Variants in ARHGAP42 observed in about 807,000 individuals in gnomAD.
The protein encoded by ARHGAP42 is Rho GTPase activating protein 42.
In ARHGAP42, 63 loss-of-function variants were observed where a neutral mutation model predicts 125.0. That is an observed-to-expected ratio of 0.50 (90% CI 0.41 to 0.62). The LOEUF (loss-of-function observed/expected upper bound fraction) is 0.62, where lower values mean the gene tolerates loss of function less well. ARHGAP42 is among the 20% of genes least tolerant of loss of function. The pLI, the probability that ARHGAP42 is intolerant of heterozygous loss-of-function variation, is 0.00. For missense variants in ARHGAP42, 766 were observed against 1,024.2 expected (o/e 0.75, Z 3.44); for synonymous variants, 339 against 351.0 (o/e 0.97, Z 0.38).
chr11:100,812,856 A>G (rs1000567991), intron 3 of ARHGAP42, among the ~76,000 whole-genome samples: 2 of 152,222 alleles, frequency 1.3e-5, no homozygotes, highest in Non-Finnish European at 2.9e-5. Context: ...GTAAGGAATT[A>G]GACTTTTGCT....
Position 100,993,763 on chromosome 11 carries a change from T to G in ARHGAP42, c.*4962T>G, listed in dbSNP as rs1858903659. ...TGTCCATAAATTATCATTGAATTTT[T>G]TGTTTATTTTGTAGTGTTCTGTATT... On this transcript the variant is annotated 3_prime_UTR_variant, in exon 24 of 24. Transcript: ENST00000298815. 1 of 167,106 alleles carries G rather than the reference T, an allele frequency of 6.0e-6. No homozygotes were observed. Among genetic ancestry groups the G allele is most frequent in the South Asian group, 2.1e-4 (1 of 4,834 alleles). The allele number at this position is 167,106 out of a possible 1,614,324, so 10.4% of individuals were successfully genotyped here.
intron 1 of ARHGAP42, among the ~76,000 whole-genome samples, chr11:100,744,110 A>G (rs1862245175): frequency 6.6e-6 from 1 of 152,168 alleles, no homozygotes; most frequent in South Asian, 2.1e-4. Flanking sequence ...AGCTGGGACT[A>G]CAGGCGCCTG....
At chr11:100,935,741 A>G (rs1753091248) in intron 7 of ARHGAP42, among the ~76,000 whole-genome samples, 1 of 152,028 alleles carries the variant, frequency 6.6e-6, no homozygotes, top group Non-Finnish European at 1.5e-5. Context: ...AGTTTTCACT[A>G]AATCAGTTCA....
At chr11:100,831,791 G>T (rs1018964298) in intron 3 of ARHGAP42, among the ~76,000 whole-genome samples, 2 of 152,170 alleles carry the variant, frequency 1.3e-5, no homozygotes, top group African/African-American at 4.8e-5. Context: ...TATACCAAGA[G>T]TTAATTTGGG....
At chr11:100,749,775 C>G (rs1862401014) in intron 1 of ARHGAP42, among the ~76,000 whole-genome samples, 1 of 152,186 alleles carries the variant, frequency 6.6e-6, no homozygotes, top group Admixed American at 6.5e-5. Flanking sequence ...TCACCATCCA[C>G]TGGAACAACA....
Position 100,718,074 on chromosome 11 carries a change from TA to T in ARHGAP42, c.154+30248del, listed in dbSNP as rs1161342861. On this transcript the variant is annotated intron_variant, in intron 1 of 23. Transcript: ENST00000298815. ...TTATTACTGCGAGTCATGGTCAAAA[TA>T]AAAAATTGAGGTACATTATCTTATG... is the stretch of plus-strand genomic sequence containing the variant. Among the ~76,000 whole-genome samples the T allele has an allele frequency of 7.3e-3, 1,108 of 152,276 alleles. 11 individuals carry two copies. The highest frequency in any genetic ancestry group is 0.025 in the African/African-American group (1,039 of 41,550).
intron 1 of ARHGAP42, among the ~76,000 whole-genome samples, chr11:100,745,117 GCAGGTAATGGGAATAAGT>G (rs1380020733): frequency 3.3e-5 from 5 of 152,222 alleles, no homozygotes; most frequent in Non-Finnish European, 5.9e-5. Context: ...TCAGGGTGGA[GCAGGTAATGGGAATAAGT>G]CAGGGTGGAG....
chr11:100,762,787 A>G (rs1401086422), intron 1 of ARHGAP42, among the ~76,000 whole-genome samples: 2 of 152,078 alleles, frequency 1.3e-5, no homozygotes, highest in Non-Finnish European at 2.9e-5. Flanking sequence ...CCCTGAGAGC[A>G]CACTAAAAAC....
At chr11:100,785,290 C>T (rs1444116633) in intron 2 of ARHGAP42, among the ~76,000 whole-genome samples, 1 of 152,130 alleles carries the variant, frequency 6.6e-6, no homozygotes, top group Non-Finnish European at 1.5e-5. Flanking sequence ...GAACTTCTCT[C>T]ACAGAATCAG....
In ARHGAP42 at chr11:100,990,538, A is replaced by T. The variant is rs1399833911; in HGVS notation, c.*1737A>T. On this transcript the variant is annotated 3_prime_UTR_variant, in exon 24 of 24. Transcript: ENST00000298815. ...GAATGAAAAATATTATGTAATAAAA[A>T]TTAGCAATGTAATGTAAACGTTTGA... The T allele has an allele frequency of 6.6e-6, 1 of 152,218 alleles. No homozygotes were observed. Among genetic ancestry groups the T allele is most frequent in the Non-Finnish European group, 1.5e-5 (1 of 68,014 alleles). 9.4% of individuals were successfully genotyped at this position (152,218 alleles called of 1,614,324 possible). A position where few individuals can be genotyped will look rare whatever the true frequency, so the allele number is the denominator to read the frequency against.
chr11:100,755,253 C>T (rs1287584111), intron 1 of ARHGAP42, among the ~76,000 whole-genome samples: 9 of 152,202 alleles, frequency 5.9e-5, no homozygotes, highest in Admixed American at 4.6e-4. Context: ...CCACAGACCT[C>T]GTAGCAACTG....
chr11:100,781,915 T>G (rs1056608377), intron 2 of ARHGAP42, among the ~76,000 whole-genome samples: 2 of 150,476 alleles, frequency 1.3e-5, no homozygotes, highest in Admixed American at 1.4e-4. Context: ...TGAGGCACAC[T>G]GGCTGCACCA....
intron 3 of ARHGAP42, among the ~76,000 whole-genome samples, chr11:100,850,157 C>T (rs531063607): frequency 5.6e-4 from 85 of 152,170 alleles, no homozygotes; most frequent in African/African-American, 1.8e-3. Context: ...ATACTGAAAC[C>T]GTGTTTGGGG....
chr11:100,719,930 A>AC (rs1035770421), intron 1 of ARHGAP42, among the ~76,000 whole-genome samples: 1 of 152,022 alleles, frequency 6.6e-6, no homozygotes, highest in Non-Finnish European at 1.5e-5. Context: ...CTGTAGTTTC[A>AC]CCCCCAACCT....
At chr11:100,966,251 T>C (rs1288848464) in intron 17 of ARHGAP42, among the ~76,000 whole-genome samples, 1 of 152,206 alleles carries the variant, frequency 6.6e-6, no homozygotes, top group African/African-American at 2.4e-5. Context: ...TTTATTCATA[T>C]ATTTACCATC....
intron 1 of ARHGAP42, among the ~76,000 whole-genome samples, chr11:100,762,310 G>T (rs1293189637): frequency 1.3e-5 from 2 of 152,124 alleles, no homozygotes; most frequent in Non-Finnish European, 2.9e-5. Flanking sequence ...CTGTAGTGAC[G>T]CAGGGTAGCC....
intron 3 of ARHGAP42, among the ~76,000 whole-genome samples, chr11:100,799,263 T>A (rs561997576): frequency 7.9e-4 from 121 of 152,304 alleles, no homozygotes; most frequent in African/African-American, 2.8e-3. Context: ...CACATTCATT[T>A]AGGAAACATT....
intron 1 of ARHGAP42, among the ~76,000 whole-genome samples, chr11:100,721,796 A>T (rs1861763458): frequency 6.6e-6 from 1 of 152,064 alleles, no homozygotes; most frequent in Admixed American, 6.6e-5. Flanking sequence ...TTTATTGCTG[A>T]ATGATATGAT....
At chr11:100,838,894 A>G (rs1304871285) in intron 3 of ARHGAP42, among the ~76,000 whole-genome samples, 1 of 151,970 alleles carries the variant, frequency 6.6e-6, no homozygotes, top group Non-Finnish European at 1.5e-5. Context: ...TCATTTCCCA[A>G]CCTTTTTCTA....
Sources: allele counts gnomAD v4.1 joint callset (sites outside exome capture counted in the v4.1 genomes callset), GRCh38; gene constraint gnomAD v4.1.1; transcripts MANE v1.5; gene names NCBI Gene and HGNC (gene_info 2026-07-23, HGNC 2026-07-21).